The following PAK5 variants were observed in gnomAD, a reference collection of about 807,000 sequenced individuals.
PAK5 encodes the protein serine/threonine-protein kinase PAK 5.
PAK5 carries 16 observed loss-of-function variants against 65.9 expected under a neutral mutation model. The observed-to-expected ratio is 0.24, with a 90% CI of 0.16 to 0.37. The LOEUF is 0.37. Among genes scored for constraint, PAK5 ranks in the 10% least tolerant of loss-of-function variants. PAK5 has a pLI of 1.00. For missense variants in PAK5, 785 were observed against 903.9 expected (o/e 0.87, Z 1.69); for synonymous variants, 371 against 354.9 (o/e 1.05, Z -0.51).
chr20:9,754,458 G>C (rs2423464), intron 1 of PAK5, among the ~76,000 whole-genome samples: 112,152 of 151,866 alleles, frequency 0.74, 41,656 homozygotes, highest in East Asian at 0.89. Flanking sequence ...ACCAGATGAA[G>C]TAATTTACTG....
At chr20:9,566,464 C>T in intron 4 of PAK5, 80 bp from the exon 5 acceptor site, 2 of 1,365,506 alleles carry the variant, frequency 1.5e-6, no homozygotes, top group Non-Finnish European at 2.0e-6. Flanking sequence ...AGCTGACTGA[C>T]AGCTGGCAGA....
In PAK5 at chr20:9,815,200, G is replaced by C. The variant is rs555834614; in HGVS notation, c.-162+23562C>G. Among the ~76,000 whole-genome samples, 3 of 152,198 alleles carry C rather than the reference G, an allele frequency of 2.0e-5. No individual in the cohort carries two copies. In the East Asian group the frequency reaches 5.8e-4, roughly 29 times the overall value. On this transcript the variant is annotated intron_variant, in intron 1 of 9. Coordinates refer to ENST00000353224, the MANE Select transcript of PAK5 (RefSeq NM_177990.4). ...CCCATGATCCAAACACTTCCTACCA[G>C]GCCCACCTCCAACACTGAGGATCAA... is the stretch of plus-strand genomic sequence containing the variant.
chr20:9,620,600 G>A (rs1023975047), intron 3 of PAK5, among the ~76,000 whole-genome samples: 1 of 152,194 alleles, frequency 6.6e-6, no homozygotes. Context: ...TGGACAGCAG[G>A]CTCAGGTCCT....
chr20:9,702,017 G>A (rs118124885), intron 2 of PAK5, among the ~76,000 whole-genome samples: 1,618 of 152,076 alleles, frequency 0.011, 17 homozygotes, highest in Middle Eastern at 0.044. Context: ...TTAAAAAGAA[G>A]TAATAAGTTT....
At chr20:9,553,461 C>T (rs2045460891) in intron 7 of PAK5, among the ~76,000 whole-genome samples, 1 of 152,192 alleles carries the variant, frequency 6.6e-6, no homozygotes, top group Admixed American at 6.5e-5. Flanking sequence ...CAGCACAGGA[C>T]TTCCTGGTGC....
At chr20:9,835,513 C>T (rs1345809360) in intron 1 of PAK5, among the ~76,000 whole-genome samples, 2 of 151,990 alleles carry the variant, frequency 1.3e-5, no homozygotes, top group East Asian at 3.9e-4. Context: ...GGAATCTGTC[C>T]CAGGTGTGTG....
intron 1 of PAK5, among the ~76,000 whole-genome samples, chr20:9,785,783 G>A (rs903922092): frequency 6.6e-6 from 1 of 152,206 alleles, no homozygotes; most frequent in Admixed American, 6.5e-5. Flanking sequence ...TCCCTTGCAA[G>A]AATATGTCCA....
intron 2 of PAK5, among the ~76,000 whole-genome samples, chr20:9,664,205 CT>C (rs2047382582): frequency 6.6e-6 from 1 of 152,146 alleles, no homozygotes; most frequent in Non-Finnish European, 1.5e-5. Flanking sequence ...ATTATCTCAC[CT>C]GAGCAAGGCT....
intron 1 of PAK5, among the ~76,000 whole-genome samples, chr20:9,789,761 G>A (rs962290808): frequency 6.6e-6 from 1 of 152,112 alleles, no homozygotes; most frequent in African/African-American, 2.4e-5. Context: ...CATTCTAGGA[G>A]AAGCTGAAAT....
At chr20:9,643,279 C>T (rs1323144399) in intron 3 of PAK5, among the ~76,000 whole-genome samples, 1 of 152,152 alleles carries the variant, frequency 6.6e-6, no homozygotes, top group East Asian at 1.9e-4. Context: ...GTTTAACTCC[C>T]ATAGAGAACT....
chr20:9,644,087 A>T (rs373733388), intron 3 of PAK5, 38 bp downstream of exon 3: 55 of 1,513,940 alleles, frequency 3.6e-5, no homozygotes, highest in Middle Eastern at 3.5e-4. Context: ...TAAGAGCATG[A>T]TTCTTAAGCC....
chr20:9,816,514 T>C (rs566625797), intron 1 of PAK5, among the ~76,000 whole-genome samples: 2 of 152,228 alleles, frequency 1.3e-5, no homozygotes, highest in South Asian at 2.1e-4. Context: ...ATCCAATCCA[T>C]TGAGGGCCTG....
intron 7 of PAK5, among the ~76,000 whole-genome samples, chr20:9,551,641 G>A (rs2045429561): frequency 6.6e-6 from 1 of 152,172 alleles, no homozygotes; most frequent in East Asian, 1.9e-4. Flanking sequence ...GTCTGCTCTA[G>A]GGTCTTGGCT....
At chr20:9,618,463 A>G (rs1165040982) in intron 3 of PAK5, among the ~76,000 whole-genome samples, 11 of 148,738 alleles carry the variant, frequency 7.4e-5, no homozygotes, top group African/African-American at 2.8e-4. Context: ...CTGGAGTGTA[A>G]TGGCACAATC....
intron 3 of PAK5, among the ~76,000 whole-genome samples, chr20:9,604,189 C>A (rs2046410155): frequency 6.6e-6 from 1 of 152,220 alleles, no homozygotes; most frequent in Non-Finnish European, 1.5e-5. Flanking sequence ...AATATCAGAG[C>A]CCCTGGGCTC....
intron 1 of PAK5, among the ~76,000 whole-genome samples, chr20:9,812,294 A>C (rs1374664037): frequency 6.6e-6 from 1 of 152,188 alleles, no homozygotes; most frequent in African/African-American, 2.4e-5. Flanking sequence ...ATAACAAAAA[A>C]AAAACGATGT....
At chr20:9,825,253 C>T (rs1228164607) in intron 1 of PAK5, among the ~76,000 whole-genome samples, 2 of 152,210 alleles carry the variant, frequency 1.3e-5, no homozygotes, top group Non-Finnish European at 2.9e-5. Context: ...TATCATCCTT[C>T]TATCCCAAGC....
chr20:9,592,198 A>C (rs564590740), intron 3 of PAK5, among the ~76,000 whole-genome samples: 3 of 152,290 alleles, frequency 2.0e-5, no homozygotes, highest in African/African-American at 7.2e-5. Flanking sequence ...GGGATGGGAG[A>C]TGGTGGATAA....
intron 3 of PAK5, among the ~76,000 whole-genome samples, chr20:9,622,414 C>T (rs969697214): frequency 8.5e-5 from 13 of 152,168 alleles, no homozygotes; most frequent in Admixed American, 8.5e-4. Context: ...CCCTAGTGGA[C>T]ATTTACATGA....
Sources: allele counts gnomAD v4.1 joint callset (sites outside exome capture counted in the v4.1 genomes callset), GRCh38; gene constraint gnomAD v4.1.1; transcripts MANE v1.5; gene names NCBI Gene and HGNC (gene_info 2026-07-23, HGNC 2026-07-21).